Variants in CTTNBP2 observed in about 807,000 individuals in gnomAD.
The protein encoded by CTTNBP2 is cortactin binding protein 2.
Under a neutral mutation model 156.9 loss-of-function variants are expected in CTTNBP2, and 108 were observed. The observed-to-expected ratio is 0.69, with a 90% CI of 0.59 to 0.81. CTTNBP2 has a LOEUF of 0.81. Ranked by LOEUF, CTTNBP2 falls within the 30% of genes least tolerant of loss-of-function variation. CTTNBP2 has a pLI of 0.00. For synonymous variants in CTTNBP2, 767 were observed against 751.8 expected (o/e 1.02, Z -0.33); for missense variants, 1,924 against 2,035.4 (o/e 0.95, Z 1.05).
At chr7:117,804,187 TC>T (rs1204394318) in intron 3 of CTTNBP2, among the ~76,000 whole-genome samples, 2 of 152,144 alleles carry the variant, frequency 1.3e-5, no homozygotes, top group Non-Finnish European at 2.9e-5. Flanking sequence ...GGCCTCAAAC[TC>T]CTGATCTCAA....
intron 1 of CTTNBP2, among the ~76,000 whole-genome samples, chr7:117,865,518 GA>G (rs1343684591): frequency 6.8e-6 from 1 of 147,496 alleles, no homozygotes; most frequent in Non-Finnish European, 1.5e-5. Context: ...AAAAAAAAAA[GA>G]AAAAAAATTA....
At chr7:117,729,651 A>G (rs1250488883) in intron 16 of CTTNBP2, among the ~76,000 whole-genome samples, 3 of 152,184 alleles carry the variant, frequency 2.0e-5, no homozygotes, top group Non-Finnish European at 4.4e-5. Context: ...GCCACCCACC[A>G]GGTACTGCAA....
chr7:117,737,730 T>G (rs549812914), intron 14 of CTTNBP2, among the ~76,000 whole-genome samples: 5 of 152,076 alleles, frequency 3.3e-5, no homozygotes, highest in South Asian at 2.1e-4. Flanking sequence ...CACACCACCA[T>G]GCCAAATACA....
intron 2 of CTTNBP2, among the ~76,000 whole-genome samples, chr7:117,853,744 G>A (rs1803081198): frequency 6.6e-6 from 1 of 152,120 alleles, no homozygotes. Flanking sequence ...GGGAGATTGA[G>A]CTGCGAAAAG....
intron 5 of CTTNBP2, 42 bp downstream of exon 5, chr7:117,784,209 A>G (rs1798576951): frequency 6.9e-7 from 1 of 1,448,662 alleles, no homozygotes; most frequent in Non-Finnish European, 9.3e-7. Context: ...TTGACTTTCC[A>G]TCCTTTTGCA....
intron 2 of CTTNBP2, among the ~76,000 whole-genome samples, chr7:117,821,226 G>C (rs1800944052): frequency 6.6e-6 from 1 of 151,990 alleles, no homozygotes; most frequent in Non-Finnish European, 1.5e-5. Context: ...TCTTGCAATG[G>C]CTAGGATTTC....
intron 11 of CTTNBP2, among the ~76,000 whole-genome samples, chr7:117,757,072 C>T (rs1796922747): frequency 6.6e-6 from 1 of 152,178 alleles, no homozygotes; most frequent in African/African-American, 2.4e-5. Context: ...ACTCGCCACC[C>T]CTCCCCCCAA....
At chr7:117,742,177 A>T (rs1212384154) in intron 14 of CTTNBP2, among the ~76,000 whole-genome samples, 2 of 152,234 alleles carry the variant, frequency 1.3e-5, no homozygotes, top group Non-Finnish European at 2.9e-5. Context: ...CCAGAAGGGC[A>T]GAGACTGTGT....
chr7:117,818,755 C>G (rs982429891), intron 2 of CTTNBP2, among the ~76,000 whole-genome samples: 1 of 152,104 alleles, frequency 6.6e-6, no homozygotes, highest in South Asian at 2.1e-4. Context: ...AGAGGAAAAG[C>G]CTTCCAGATG....
At chr7:117,839,096 C>T (rs1802126422) in intron 2 of CTTNBP2, among the ~76,000 whole-genome samples, 1 of 152,012 alleles carries the variant, frequency 6.6e-6, no homozygotes, top group Middle Eastern at 3.2e-3. Flanking sequence ...TTAAGGCCTT[C>T]CCCAACCACC....
intron 14 of CTTNBP2, among the ~76,000 whole-genome samples, chr7:117,741,885 C>T (rs186951523): frequency 6.6e-6 from 1 of 152,328 alleles, no homozygotes; most frequent in Admixed American, 6.5e-5. Flanking sequence ...CTATTTCTTA[C>T]ATCAGAAAAT....
intron 4 of CTTNBP2, among the ~76,000 whole-genome samples, chr7:117,785,452 C>G (rs1362533636): frequency 6.6e-6 from 1 of 152,110 alleles, no homozygotes; most frequent in Non-Finnish European, 1.5e-5. Flanking sequence ...CCGCTTTTTC[C>G]TTATAGGGTT....
At chr7:117,717,955 A>T in intron 22 of CTTNBP2, 63 bp downstream of exon 22, 1 of 1,012,672 alleles carries the variant, frequency 9.9e-7, no homozygotes, top group South Asian at 1.3e-5. Flanking sequence ...CTGAAAGATG[A>T]TTTGTGAAGT....
chr7:117,805,152 A>AT lies in CTTNBP2; in HGVS notation c.414+5612dup, dbSNP rs1799855187. On this transcript the variant is annotated intron_variant, in intron 3 of 22. Coordinates refer to ENST00000160373, the MANE Select transcript of CTTNBP2 (RefSeq NM_033427.3). ...TCTTTTGATCCAATATCATATAGGC[A>AT]TTTTTTCCCTCTAAACTTTGGGATA... 2.0e-5 allele frequency among the ~76,000 whole-genome samples: 3 copies of AT among 152,212 alleles called. No individual in the cohort carries two copies. The South Asian group carries it at 6.2e-4, about 32-fold the overall frequency.
chr7:117,773,696 CACACACA>C (rs879634402), intron 8 of CTTNBP2, among the ~76,000 whole-genome samples: 3,390 of 141,050 alleles, frequency 0.024, 63 homozygotes, highest in Middle Eastern at 0.074. Flanking sequence ...CACACACACA[CACACACA>C]CACACCCCAA....
Position 117,792,652 on chromosome 7 carries a change from A to G in CTTNBP2, c.544T>C (p.Ser182Pro). 6.2e-7 allele frequency: 1 copy of G among 1,613,978 alleles called. No individual in the cohort carries two copies. Residue 182 changes from serine (S) to proline (P), a missense_variant, in exon 4 of 23, where the codon TCA becomes CCA. Transcript: ENST00000160373. This position sits in a 1 kb window ranked among gnomAD's most constrained non-coding sequence, Gnocchi z 4.2. ...TGGGCCTCCTCTATGACTTTGCCTG[A>G]GAGCTGCTTGCACTCTTTGACCAGC... ...LMLVKECKQL[S>P]GKVIEEAQKL...
rs539030321 is a variant in CTTNBP2 at position 117,722,810 on chromosome 7, G to A, written c.4448-1680C>T. Among the ~76,000 whole-genome samples, 13 of 152,286 alleles carry A rather than the reference G, an allele frequency of 8.5e-5. No homozygotes were observed. In the South Asian group the frequency reaches 2.7e-3, roughly 32 times the overall value. On this transcript the variant is annotated intron_variant, in intron 19 of 22. Transcript: ENST00000160373. ...CCATAGATCACTGCACGTCTAATAA[G>A]ATCAGGGTGTTGTGGACTACAGAAA...
intron 2 of CTTNBP2, among the ~76,000 whole-genome samples, chr7:117,831,616 T>A (rs775509823): frequency 6.6e-6 from 1 of 152,264 alleles, no homozygotes; most frequent in African/African-American, 2.4e-5. Context: ...CTGTATACAT[T>A]TGAGGTCTCC....
intron 1 of CTTNBP2, 66 bp from the exon 2 acceptor site, chr7:117,861,382 G>A: frequency 9.2e-7 from 1 of 1,088,590 alleles, no homozygotes; most frequent in South Asian, 1.4e-5. Flanking sequence ...ACATCCTAAG[G>A]GTATGCAATG....
Sources: allele counts gnomAD v4.1 joint callset (sites outside exome capture counted in the v4.1 genomes callset), GRCh38; gene constraint gnomAD v4.1.1; non-coding constraint Gnocchi (gnomAD v3.1); transcripts MANE v1.5; gene names NCBI Gene and HGNC (gene_info 2026-07-23, HGNC 2026-07-21).